The following SYCP2L variants were observed in gnomAD, a reference collection of about 807,000 sequenced individuals.
SYCP2L encodes synaptonemal complex protein 2 like.
In SYCP2L, 98 loss-of-function variants were observed where a neutral mutation model predicts 125.8. The ratio of observed to expected loss-of-function variants is 0.78; its 90% confidence interval spans 0.66 to 0.92. SYCP2L has a LOEUF of 0.92. Ranked by LOEUF, SYCP2L falls within the 40% of genes least tolerant of loss-of-function variation. The probability of loss-of-function intolerance (pLI) is 0.00; values close to 1 mark genes in which losing one functional copy is unlikely to be tolerated. For missense variants in SYCP2L, 842 were observed against 936.4 expected (o/e 0.90, Z 1.32); for synonymous variants, 317 against 325.4 (o/e 0.97, Z 0.28).
Position 10,944,888 on chromosome 6 carries a change from A to G in SYCP2L, c.1954+2142A>G, listed in dbSNP as rs552523375. ...TGCCACCATACCCAGCTAATTTTGC[A>G]TTTTTAGTAGCAACGGGGTTTCGCC... is the stretch of plus-strand genomic sequence containing the variant. On this transcript the variant is annotated intron_variant, in intron 23 of 29. Transcript: ENST00000283141. Among the ~76,000 whole-genome samples the G allele has an allele frequency of 5.9e-5, 9 of 152,032 alleles. No homozygotes were observed. In the East Asian group the frequency reaches 1.7e-3, roughly 29 times the overall value.
intron 2 of SYCP2L, among the ~76,000 whole-genome samples, chr6:10,892,037 G>A (rs1331472486): frequency 2.6e-5 from 4 of 152,196 alleles, no homozygotes; most frequent in Non-Finnish European, 5.9e-5. Context: ...CCTGGTCTAC[G>A]TAAGATAAGG....
In SYCP2L at chr6:10,898,075, C is replaced by T. The variant is rs189323193; in HGVS notation, c.401C>T (p.Ser134Leu). Reference protein sequence around the residue: ...LTSEGLASDTSLICVIEDFFD... With the variant: ...LTSEGLASDTLLICVIEDFFD... The stretch of plus-strand genomic sequence containing the variant: ...TCGGAAGGCCTAGCCTCAGACACGT[C>T]GCTGATTTGTGTTATAGAAGATTTC... Residue 134 changes from serine (S) to leucine (L), a missense_variant, in exon 5 of 30, where the codon TCG becomes TTG. Transcript: ENST00000283141. 9.6e-3 allele frequency: 15,503 copies of T among 1,613,952 alleles called. 118 individuals are homozygous for T. Among genetic ancestry groups the T allele is most frequent in the Non-Finnish European group, 0.011 (12,908 of 1,179,904 alleles).
rs766195179 is a variant in SYCP2L at position 10,910,162 on chromosome 6, T to C, written c.834T>C (p.Phe278=). Residue 278 remains phenylalanine (F), a synonymous_variant, in exon 11 of 30, where the codon TTT becomes TTC. Coordinates refer to ENST00000283141, the MANE Select transcript of SYCP2L (RefSeq NM_001040274.3). ...DREFETDSRR[F]LNHLNNRLGD... ...TTGCTTTGAAGGACAGTAGACGTTT[T>C]CTCAATCACCTAAACAACAGACTTG... The C allele has an allele frequency of 6.2e-7, 1 of 1,613,824 alleles. No individual in the cohort carries two copies. Among genetic ancestry groups the C allele is most frequent in the Admixed American group, 1.7e-5 (1 of 60,024 alleles).
At chr6:10,938,979 G>A (rs1182601697) in intron 21 of SYCP2L, among the ~76,000 whole-genome samples, 1 of 152,028 alleles carries the variant, frequency 6.6e-6, no homozygotes, top group African/African-American at 2.4e-5. Context: ...TATTAGCTAG[G>A]CATGGTGGCA....
At chr6:10,939,490 A>G (rs1781173672) in intron 21 of SYCP2L, among the ~76,000 whole-genome samples, 1 of 152,252 alleles carries the variant, frequency 6.6e-6, no homozygotes, top group Admixed American at 6.5e-5. Context: ...CAAAAACTAT[A>G]GTAATCAAAA....
chr6:10,892,971 TA>T (rs1314969394), intron 2 of SYCP2L, among the ~76,000 whole-genome samples: 1 of 152,098 alleles, frequency 6.6e-6, no homozygotes, highest in East Asian at 1.9e-4. Flanking sequence ...TTTTATAGTT[TA>T]AATGTTTAAG....
At chr6:10,952,582 A>C (rs1781430127) in intron 23 of SYCP2L, among the ~76,000 whole-genome samples, 1 of 23,662 alleles carries the variant, frequency 4.2e-5, no homozygotes, top group Non-Finnish European at 1.7e-4. Flanking sequence ...ATTTGCCACC[A>C]AGAAAAAAAA....
Position 10,912,742 on chromosome 6 carries a change from A to T in SYCP2L, c.988A>T (p.Thr330Ser). The T allele has an allele frequency of 6.2e-7, 1 of 1,613,854 alleles. No homozygotes were observed. The highest frequency in any genetic ancestry group is 8.5e-7 in the Non-Finnish European group (1 of 1,179,898). ...IDFNLGSQSV[T>S]FYIDNAENTL... ...CTTCAACCTAGGAAGTCAGAGTGTC[A>T]CTTTTTATATAGACAATGCTGAGGT... The change falls in exon 13 of 30, where the codon ACT (threonine) becomes TCT (serine). Residue 330 changes from threonine to serine, a missense_variant. Physicochemically the swap from Thr to Ser is moderately conservative, Grantham distance 58. Transcript: ENST00000283141. This position sits in a 1 kb window ranked among gnomAD's most constrained non-coding sequence, Gnocchi z 4.1.
intron 28 of SYCP2L, 88 bp from the exon 29 acceptor site, chr6:10,963,694 C>T (rs1052636684): frequency 5.3e-6 from 7 of 1,321,164 alleles, no homozygotes; most frequent in Non-Finnish European, 6.5e-6. Context: ...TGTGAAATAA[C>T]TCTGATATGC....
At chr6:10,924,239 T>C (rs1394804647) in intron 14 of SYCP2L, among the ~76,000 whole-genome samples, 1 of 152,240 alleles carries the variant, frequency 6.6e-6, no homozygotes, top group African/African-American at 2.4e-5. Context: ...ACTATCTTCA[T>C]TTCTTTGCTG....
intron 5 of SYCP2L, 33 bp downstream of exon 5, chr6:10,898,148 T>C (rs1368100205): frequency 2.1e-6 from 3 of 1,435,734 alleles, no homozygotes; most frequent in Non-Finnish European, 2.0e-6. Context: ...ACTGAGCAGA[T>C]GCCATTGGTA....
At position 10,961,321 on chromosome 6, in the gene SYCP2L, C is replaced by G. The variant is rs772670003; in HGVS notation, c.2272C>G (p.Arg758Gly). 1 of 1,614,004 alleles carries G rather than the reference C, an allele frequency of 6.2e-7. No homozygotes were observed. The change falls in exon 27 of 30, where the codon CGC (arginine) becomes GGC (glycine). Residue 758 changes from arginine (R) to glycine (G), a missense_variant. By Grantham distance (125) the Arg-to-Gly change is moderately radical. Transcript: ENST00000283141. ...MQLFRLNKLE[R>G]FQNLVLQELS... ...GTTTATTAGACTCAATAAACTAGAG[C>G]GCTTTCAAAATTTGGTTCTTCAAGA...
intron 21 of SYCP2L, among the ~76,000 whole-genome samples, chr6:10,941,693 T>C (rs1343667979): frequency 6.6e-6 from 1 of 152,250 alleles, no homozygotes; most frequent in Admixed American, 6.5e-5. Context: ...ACTTTTCTTT[T>C]ACACTGTTGG....
intron 27 of SYCP2L, 38 bp downstream of exon 27, chr6:10,961,442 A>G (rs748919384): frequency 5.0e-6 from 8 of 1,613,582 alleles, no homozygotes; most frequent in African/African-American, 1.3e-5. Flanking sequence ...CTGACTTCGG[A>G]TCTTTCCCAG....
Position 10,907,704 on chromosome 6 carries a change from G to T in SYCP2L, c.819+20G>T. 2 of 1,608,896 alleles carry T rather than the reference G, an allele frequency of 1.2e-6. No homozygotes were observed. The highest frequency in any genetic ancestry group is 1.7e-4 in the Middle Eastern group (1 of 6,034). ...GAGACGGTGAGATTCCTGGCCATGC[G>T]AATTTCTTATTAGCCAATATTTATT... On this transcript the variant is annotated intron_variant, in intron 10 of 29. Coordinates refer to ENST00000283141, the MANE Select transcript of SYCP2L (RefSeq NM_001040274.3).
chr6:10,902,323 GTTC>G (rs1780391895), intron 6 of SYCP2L, among the ~76,000 whole-genome samples: 2 of 152,058 alleles, frequency 1.3e-5, no homozygotes, highest in East Asian at 1.9e-4. Flanking sequence ...CAGTTCTCAA[GTTC>G]TTCTTAGAAG....
intron 29 of SYCP2L, among the ~76,000 whole-genome samples, chr6:10,969,762 A>G (rs896311401): frequency 1.3e-5 from 2 of 152,160 alleles, no homozygotes; most frequent in Admixed American, 6.5e-5. Context: ...GAAAGTGCCT[A>G]GATGCCCAGC....
intron 2 of SYCP2L, among the ~76,000 whole-genome samples, chr6:10,892,493 C>G (rs116828365): frequency 0.033 from 4,966 of 152,226 alleles, 116 homozygotes; most frequent in Non-Finnish European, 0.046. Flanking sequence ...GAGACTGGGT[C>G]TCAATATATT....
chr6:10,959,549 T>C (rs1781561788), intron 26 of SYCP2L, among the ~76,000 whole-genome samples: 1 of 152,104 alleles, frequency 6.6e-6, no homozygotes, highest in Non-Finnish European at 1.5e-5. Context: ...AGGGTATAAA[T>C]ATTATGTTAT....
Sources: allele counts gnomAD v4.1 joint callset (sites outside exome capture counted in the v4.1 genomes callset), GRCh38; gene constraint gnomAD v4.1.1; non-coding constraint Gnocchi (gnomAD v3.1); transcripts MANE v1.5; gene names NCBI Gene and HGNC (gene_info 2026-07-23, HGNC 2026-07-21).